The following MAGED1 variants were observed in gnomAD, a reference collection of about 807,000 sequenced individuals.
MAGED1 encodes the protein melanoma-associated antigen D1.
MAGED1 carries 3 observed loss-of-function variants against 54.1 expected under a neutral mutation model. The ratio of observed to expected loss-of-function variants is 0.06; its 90% CI spans 0.03 to 0.14. The LOEUF (loss-of-function observed/expected upper bound fraction) is 0.14. Among genes scored for constraint, MAGED1 ranks in the 10% least tolerant of loss-of-function variants. The pLI is 1.00. For synonymous variants in MAGED1, 217 were observed against 227.3 expected (o/e 0.95, Z 0.41); for missense variants, 485 against 623.4 (o/e 0.78, Z 2.36).
At chrX:51,872,757 A>G (rs1557361703) in intron 1 of MAGED1, among the ~76,000 whole-genome samples, 1 of 112,333 alleles carries the variant, frequency 8.9e-6, no homozygotes, top group African/African-American at 3.2e-5. Flanking sequence ...ATTATAATGC[A>G]CTTGCGTAAG....
intron 11 of MAGED1, among the ~76,000 whole-genome samples, chrX:51,901,166 T>A (rs2147025914): frequency 8.9e-6 from 1 of 111,984 alleles, no homozygotes; most frequent in South Asian, 3.7e-4. Flanking sequence ...ATACGGTTGA[T>A]CTCCAGAACA....
At chrX:51,847,431 T>C (rs1309320916) in intron 1 of MAGED1, among the ~76,000 whole-genome samples, 1 of 111,835 alleles carries the variant, frequency 8.9e-6, no homozygotes, top group Non-Finnish European at 1.9e-5. Context: ...TTAACTGCTA[T>C]ATAGTATTGT....
intron 1 of MAGED1, among the ~76,000 whole-genome samples, chrX:51,879,540 T>G (rs782164218): frequency 1.8e-5 from 2 of 111,882 alleles, no homozygotes; most frequent in South Asian, 7.4e-4. Context: ...CTAGAATTAT[T>G]ATTCTTATTC....
rs145588024 is a variant in MAGED1, at chrX:51,894,750, G to A, written c.46-303G>A. On this transcript the variant is annotated intron_variant, in intron 2 of 12. Coordinates refer to ENST00000326587, the MANE Select transcript of MAGED1 (RefSeq NM_006986.4). Reference sequence around the variant, plus strand: ...TTCTCAACTCCGCGATCCGCCTGCCGTCCTGAGCTGCTACTGCACGCCTCT... The same window carrying A: ...TTCTCAACTCCGCGATCCGCCTGCCATCCTGAGCTGCTACTGCACGCCTCT... 7.4e-4 allele frequency: 847 copies of A among 1,146,554 alleles called. 3 individuals are homozygous for A. The African/African-American group carries it at 0.015, about 20-fold the overall frequency. 94.5% of individuals were successfully genotyped at this position (1,146,554 alleles called of 1,213,427 possible).
intron 1 of MAGED1, among the ~76,000 whole-genome samples, chrX:51,883,421 G>C (rs1796643260): frequency 8.9e-6 from 1 of 111,955 alleles, no homozygotes; most frequent in South Asian, 3.8e-4. Context: ...CTGTCACTTA[G>C]CCCATGGTGA....
intron 1 of MAGED1, among the ~76,000 whole-genome samples, chrX:51,853,447 C>T (rs782748037): frequency 1.8e-5 from 2 of 112,465 alleles, no homozygotes; most frequent in South Asian, 7.4e-4. Flanking sequence ...TCCATTCACC[C>T]TCCCCTTTAG....
intron 1 of MAGED1, among the ~76,000 whole-genome samples, chrX:51,819,354 G>T (rs964024595): frequency 9.1e-6 from 1 of 109,308 alleles, no homozygotes; most frequent in Non-Finnish European, 1.9e-5. Flanking sequence ...CTGTCAAGCC[G>T]TTTCTTACCT....
At chrX:51,857,279 A>G (rs1185731127) in intron 1 of MAGED1, 2 of 111,906 alleles carry the variant, frequency 1.8e-5, no homozygotes, top group Non-Finnish European at 3.8e-5. Flanking sequence ...TGCTGGACAA[A>G]TTGCAGTGGG....
intron 1 of MAGED1, among the ~76,000 whole-genome samples, chrX:51,868,854 G>A (rs1418061210): frequency 8.9e-6 from 1 of 111,821 alleles, no homozygotes; most frequent in African/African-American, 3.2e-5. Context: ...TGGGGAAAAT[G>A]AGAAGTGTGT....
chrX:51,880,349 T>C lies in MAGED1; in HGVS notation c.-36-13920T>C, dbSNP rs192983799. Reference sequence around the variant, plus strand: ...ATGGATACATGATACCCAACATATGTTACCCATCCTGATGTTTTGACACTA... The same window carrying C: ...ATGGATACATGATACCCAACATATGCTACCCATCCTGATGTTTTGACACTA... On this transcript the variant is annotated intron_variant, in intron 1 of 12. Transcript: ENST00000375772. 4.0e-3 allele frequency among the ~76,000 whole-genome samples: 450 copies of C among 111,537 alleles called. 2 individuals are homozygous for C. The highest frequency in any genetic ancestry group is 0.014 in the African/African-American group (429 of 30,693).
chrX:51,818,182 CTG>C (rs1231877360), intron 1 of MAGED1, among the ~76,000 whole-genome samples: 2 of 112,035 alleles, frequency 1.8e-5, no homozygotes, highest in African/African-American at 6.5e-5. Flanking sequence ...AGGCAAGAGA[CTG>C]TCATCCTTGG....
In MAGED1 at chrX:51,857,278, A is replaced by G. The variant is rs782704093; in HGVS notation, c.-36-36991A>G. ...AGAAAAACTTTCCCAATGCTGGACA[A>G]ATTGCAGTGGGTGATGAAGCTTTTT... On this transcript the variant is annotated intron_variant, in intron 1 of 12. Coordinates refer to the MAGED1 transcript ENST00000375772. The G allele has an allele frequency of 2.7e-5, 3 of 111,960 alleles. No individual in the cohort carries two copies. The East Asian group carries it at 8.4e-4, about 32-fold the overall frequency. The allele number at this position is 111,960 out of a possible 1,213,427, so 9.2% of individuals were successfully genotyped here. A position where few individuals can be genotyped will look rare whatever the true frequency, so the allele number is the denominator to read the frequency against.
rs1557363877 is a variant in MAGED1 at position 51,894,349 on chromosome X, G to A, written c.45G>A (p.Gln15=). Residue 15 remains glutamine, a splice_region_variant and synonymous_variant, in exon 2 of 13, where the codon CAG becomes CAA. Transcript: ENST00000326587. ...GTGGTGCGGGCCTCCTCGGCTTCCA[G>A]GTGAGATCTCCACTCCCCACCCCAC... is the stretch of plus-strand genomic sequence containing the variant. ...MDCGAGLLGF[Q]AEASVEDSAL... is the part of the protein sequence containing the mutation. 8.3e-7 allele frequency: 1 copy of A among 1,198,805 alleles called. No individual in the cohort carries two copies. The highest frequency in any genetic ancestry group is 1.1e-6 in the Non-Finnish European group (1 of 888,714).
At chrX:51,877,672 AT>A (rs201818097) in intron 1 of MAGED1, among the ~76,000 whole-genome samples, 1,317 of 111,716 alleles carry the variant, frequency 0.012, 23 homozygotes, top group African/African-American at 0.04. Context: ...ATTACACGTT[AT>A]CATAAAGAAT....
At chrX:51,901,283 T>TA (rs1929010928) in intron 11 of MAGED1, among the ~76,000 whole-genome samples, 1 of 112,184 alleles carries the variant, frequency 8.9e-6, no homozygotes, top group Non-Finnish European at 1.9e-5. Flanking sequence ...TTCTATGAGT[T>TA]AGACGTTTTT....
intron 1 of MAGED1, chrX:51,803,243 G>A (rs1341717264): frequency 9.0e-6 from 1 of 111,268 alleles, no homozygotes; most frequent in African/African-American, 3.3e-5. Context: ...TTGTATGAAG[G>A]ATGCTTCTGA....
chrX:51,844,984 A>C (rs1428584708), intron 1 of MAGED1, among the ~76,000 whole-genome samples: 1 of 111,566 alleles, frequency 9.0e-6, no homozygotes, highest in Non-Finnish European at 1.9e-5. Context: ...CTGTAATCCC[A>C]GCGCTTTGGG....
chrX:51,873,700 A>G (rs1602253602), intron 1 of MAGED1, among the ~76,000 whole-genome samples: 2 of 111,172 alleles, frequency 1.8e-5, no homozygotes, highest in East Asian at 2.8e-4. Context: ...CAGGACCTCC[A>G]CAATTTTATC....
intron 1 of MAGED1, among the ~76,000 whole-genome samples, chrX:51,819,871 C>A (rs1299811639): frequency 9.0e-6 from 1 of 111,474 alleles, no homozygotes; most frequent in Non-Finnish European, 1.9e-5. Context: ...AAAATTGTTA[C>A]CTAATCAAGT....
Sources: gnomAD v4.1 joint callset for allele counts (sites outside exome capture counted in the v4.1 genomes callset) on GRCh38, gnomAD v4.1.1 for gene constraint, MANE v1.5 for transcripts, NCBI Gene and HGNC (gene_info 2026-07-23, HGNC 2026-07-21) for gene names.